NLGN1: variants seen among roughly 807,000 people sequenced by gnomAD.
NLGN1 encodes the protein neuroligin 1.
In NLGN1, 12 loss-of-function variants were observed where a neutral mutation model predicts 65.5. The observed-to-expected ratio is 0.18, with a 90% confidence interval of 0.12 to 0.30. The LOEUF is 0.30. Ranked by LOEUF, NLGN1 falls within the 10% of genes least tolerant of loss-of-function variation. The pLI is 1.00. For missense variants in NLGN1, 750 were observed against 1,007.1 expected, an observed-to-expected ratio of 0.74 and a Z score of 3.46; for synonymous variants, 350 against 359.5, an observed-to-expected ratio of 0.97 and a Z score of 0.30.
intron 4 of NLGN1, among the ~76,000 whole-genome samples, chr3:173,911,567 T>G (rs1034933112): frequency 6.6e-6 from 1 of 152,186 alleles, no homozygotes. Context: ...TTCTGGGGCA[T>G]GTAGGCAAAC....
chr3:174,001,064 A>G (rs963952982), intron 4 of NLGN1, among the ~76,000 whole-genome samples: 28 of 152,182 alleles, frequency 1.8e-4, no homozygotes, highest in African/African-American at 6.0e-4. Flanking sequence ...TTGGGTGCAA[A>G]TGAAAGATTT....
At chr3:174,254,884 TTAAC>T (rs1450243857) in intron 4 of NLGN1, among the ~76,000 whole-genome samples, 1 of 152,222 alleles carries the variant, frequency 6.6e-6, no homozygotes, top group African/African-American at 2.4e-5. Flanking sequence ...AAAGAAATCA[TTAAC>T]TAATTCTCCC....
intron 4 of NLGN1, among the ~76,000 whole-genome samples, chr3:174,271,363 C>T (rs1333787974): frequency 6.6e-6 from 1 of 151,310 alleles, no homozygotes; most frequent in African/African-American, 2.4e-5. Context: ...TGTAAGAGAC[C>T]TAAGTATAAA....
chr3:174,162,777 G>A (rs1010579894), intron 4 of NLGN1, among the ~76,000 whole-genome samples: 1 of 150,434 alleles, frequency 6.6e-6, no homozygotes, highest in Non-Finnish European at 1.5e-5. Context: ...TTCCTATCTA[G>A]TGTGTTGTCA....
At chr3:173,654,446 T>G (rs1759672398) in intron 3 of NLGN1, among the ~76,000 whole-genome samples, 1 of 152,154 alleles carries the variant, frequency 6.6e-6, no homozygotes, top group Admixed American at 6.6e-5. Context: ...CCTGTATACT[T>G]CAAATAAGAG....
rs150984290 is a variant in NLGN1, at chr3:173,600,592, C to CTTTTTTTTTTTTTTT, written c.-320-3678_-320-3677insTTTTTTTTTTTTTTT. Among the ~76,000 whole-genome samples, 38 of 103,450 alleles carry CTTTTTTTTTTTTTTT rather than the reference C, an allele frequency of 3.7e-4. 5 individuals are homozygous for CTTTTTTTTTTTTTTT. The highest frequency in any genetic ancestry group is 5.3e-4 in the African/African-American group (16 of 29,968). The allele number at this position is 103,450 out of a possible 152,430, so 67.9% of individuals were successfully genotyped here. On this transcript the variant is annotated intron_variant, in intron 2 of 6. Coordinates refer to ENST00000457714, the Ensembl canonical transcript of NLGN1. Reference sequence around the variant, plus strand: ...AAGCAAGGTAGAAATAAAAACATATCTTTTTTTTTAGAAAAAGATATGTAA... The same window carrying CTTTTTTTTTTTTTTT: ...AAGCAAGGTAGAAATAAAAACATATCTTTTTTTTTTTTTTTTTTTTTTTTAGAAAAAGATATGTAA...
In NLGN1 at chr3:173,999,697, T is replaced by G. The variant is rs140239276; in HGVS notation, c.646+191865T>G. Among the ~76,000 whole-genome samples the G allele has an allele frequency of 4.6e-5, 7 of 152,286 alleles. No individual in the cohort carries two copies. The East Asian group carries it at 9.7e-4, about 21-fold the overall frequency. The stretch of plus-strand genomic sequence containing the variant: ...TGTAAGACAAAGGCATCAGTTTCCT[T>G]TCTAGTTATACCACATTTTGCCCAA... On this transcript the variant is annotated intron_variant, in intron 4 of 6. Transcript: ENST00000457714.
At chr3:173,490,525 C>G (rs1331593503) in intron 2 of NLGN1, among the ~76,000 whole-genome samples, 1 of 152,068 alleles carries the variant, frequency 6.6e-6, no homozygotes, top group African/African-American at 2.4e-5. Flanking sequence ...AGTCAGGTAG[C>G]ATGATGCCTC....
At chr3:173,640,450 T>A (rs961910989) in intron 3 of NLGN1, among the ~76,000 whole-genome samples, 4 of 152,152 alleles carry the variant, frequency 2.6e-5, no homozygotes, top group Non-Finnish European at 4.4e-5. Context: ...ACAACGTTTT[T>A]GAATCATTTT....
intron 2 of NLGN1, among the ~76,000 whole-genome samples, chr3:173,482,891 G>A (rs193128666): frequency 2.6e-5 from 4 of 151,974 alleles, no homozygotes; most frequent in African/African-American, 9.6e-5. Context: ...GAATTAGAAG[G>A]GTAACTTAGG....
At chr3:174,056,787 G>A (rs1736212498) in intron 4 of NLGN1, among the ~76,000 whole-genome samples, 1 of 151,916 alleles carries the variant, frequency 6.6e-6, no homozygotes, top group South Asian at 2.1e-4. Flanking sequence ...AAATTGAGAA[G>A]CCTTGTCACT....
chr3:174,043,315 C>A, intron 4 of NLGN1, among the ~76,000 whole-genome samples: 1 of 152,196 alleles, frequency 6.6e-6, no homozygotes, highest in East Asian at 1.9e-4. Flanking sequence ...GCACTTCCAA[C>A]AGTCCCTCAA....
intron 4 of NLGN1, 57 bp downstream of exon 4, chr3:173,807,889 T>G: frequency 6.6e-7 from 1 of 1,516,228 alleles, no homozygotes. Flanking sequence ...GTGATGGTTT[T>G]GTTTTGACTT....
intron 2 of NLGN1, among the ~76,000 whole-genome samples, chr3:173,545,950 G>C (rs1488792870): frequency 8.6e-5 from 13 of 152,016 alleles, no homozygotes; most frequent in Admixed American, 5.9e-4. Flanking sequence ...GTCAGGGGGT[G>C]GGGGGCTAGG....
intron 4 of NLGN1, among the ~76,000 whole-genome samples, chr3:174,137,843 C>G (rs1048396343): frequency 1.3e-5 from 2 of 152,134 alleles, no homozygotes; most frequent in African/African-American, 4.8e-5. Context: ...TCTATTCCAG[C>G]TCCTGATTTC....
chr3:173,463,827 C>A (rs964731741), intron 2 of NLGN1, among the ~76,000 whole-genome samples: 2 of 152,086 alleles, frequency 1.3e-5, no homozygotes, highest in African/African-American at 4.8e-5. Context: ...TAAAATGGCA[C>A]AGCTCTTCTC....
intron 4 of NLGN1, among the ~76,000 whole-genome samples, chr3:174,150,481 G>A (rs1204132127): frequency 6.6e-6 from 1 of 152,054 alleles, no homozygotes; most frequent in Non-Finnish European, 1.5e-5. Context: ...ATGTCCCTAG[G>A]CGTTGCCAAA....
At chr3:173,476,699 C>T (rs1726274691) in intron 2 of NLGN1, among the ~76,000 whole-genome samples, 1 of 152,106 alleles carries the variant, frequency 6.6e-6, no homozygotes, top group South Asian at 2.1e-4. Context: ...GGTACGGTTG[C>T]ATTTTGAGCC....
At chr3:173,529,736 G>A (rs551174986) in intron 2 of NLGN1, among the ~76,000 whole-genome samples, 4 of 152,232 alleles carry the variant, frequency 2.6e-5, no homozygotes, top group African/African-American at 7.2e-5. Flanking sequence ...CAATAAAGAC[G>A]GCTTTGTGGC....
Sources: gnomAD v4.1 joint callset for allele counts (sites outside exome capture counted in the v4.1 genomes callset) on GRCh38, gnomAD v4.1.1 for gene constraint, MANE v1.5 for transcripts, NCBI Gene and HGNC (gene_info 2026-07-23, HGNC 2026-07-21) for gene names.